Variants in SUSD6 observed in about 807,000 individuals in gnomAD.
The protein encoded by SUSD6 is sushi domain-containing protein 6.
Under a neutral mutation model 28.4 loss-of-function variants are expected in SUSD6, and 16 were observed. The ratio of observed to expected loss-of-function variants is 0.56; its 90% CI spans 0.38 to 0.86. The LOEUF (loss-of-function observed/expected upper bound fraction) is 0.86. SUSD6 is among the 40% of genes least tolerant of loss of function. The pLI is 0.00. For synonymous variants in SUSD6, 147 were observed against 159.6 expected (o/e 0.92, Z 0.59); for missense variants, 341 against 384.2 (o/e 0.89, Z 0.94).
intron 1 of SUSD6, among the ~76,000 whole-genome samples, chr14:69,640,170 C>A (rs1331395251): frequency 1.3e-5 from 2 of 151,506 alleles, no homozygotes; most frequent in Non-Finnish European, 2.9e-5. Context: ...AGGCTGGACT[C>A]TGAAGAATGG....
intron 2 of SUSD6, among the ~76,000 whole-genome samples, chr14:69,671,912 A>G (rs148660948): frequency 2.6e-4 from 40 of 152,296 alleles, no homozygotes; most frequent in African/African-American, 8.7e-4. Flanking sequence ...AAAATCTGTC[A>G]CCAGTAACGC....
At chr14:69,646,666 C>G in intron 1 of SUSD6, among the ~76,000 whole-genome samples, 1 of 147,450 alleles carries the variant, frequency 6.8e-6, no homozygotes, top group East Asian at 2.0e-4. Flanking sequence ...TATGCAGTTA[C>G]TTAGGCCAAA....
chr14:69,685,157 C>T (rs1265542327), intron 2 of SUSD6, among the ~76,000 whole-genome samples: 3 of 152,210 alleles, frequency 2.0e-5, no homozygotes, highest in East Asian at 1.9e-4. Context: ...AGTTCAGAAT[C>T]GGTTGCCTTG....
intron 2 of SUSD6, among the ~76,000 whole-genome samples, chr14:69,668,971 T>C (rs1210668702): frequency 1.3e-5 from 2 of 151,824 alleles, no homozygotes; most frequent in Non-Finnish European, 2.9e-5. Context: ...CTATGCTTCC[T>C]GTACAGCTTG....
intron 1 of SUSD6, among the ~76,000 whole-genome samples, chr14:69,618,452 G>A (rs1343289277): frequency 6.6e-6 from 1 of 152,216 alleles, no homozygotes; most frequent in African/African-American, 2.4e-5. Flanking sequence ...AGCTAGTCTT[G>A]CTTTCCCTGA....
intron 1 of SUSD6, among the ~76,000 whole-genome samples, chr14:69,647,180 C>T (rs1409103048): frequency 2.6e-5 from 4 of 152,164 alleles, no homozygotes; most frequent in Non-Finnish European, 5.9e-5. Context: ...GCTGAATGCT[C>T]CTGGTTACAC....
chr14:69,698,159 C>T (rs1886254101), intron 2 of SUSD6, among the ~76,000 whole-genome samples: 1 of 152,214 alleles, frequency 6.6e-6, no homozygotes, highest in African/African-American at 2.4e-5. Context: ...GAAACCCTGT[C>T]TCTACTAAAA....
rs1383896291 is a variant in SUSD6 at position 69,638,444 on chromosome 14, G to GTGTC, written c.-80-20066_-80-20065insCTGT. Reference sequence around the variant, plus strand: ...GGGGAGTGTGTGTGTGTGTGTGTGTGTGTGTGTGTGTGTGTAATTGTGTGT... The same window carrying GTGTC: ...GGGGAGTGTGTGTGTGTGTGTGTGTGTGTCTGTGTGTGTGTGTGTAATTGTGTGT... On this transcript the variant is annotated intron_variant, in intron 1 of 5. Coordinates refer to ENST00000342745, the MANE Select transcript of SUSD6 (RefSeq NM_014734.4). Among the ~76,000 whole-genome samples, 62 of 151,568 alleles carry GTGTC rather than the reference G, an allele frequency of 4.1e-4. 1 individual carries two copies. The highest frequency in any genetic ancestry group is 3.7e-3 in the Admixed American group (56 of 15,206).
chr14:69,713,894 G>A lies in SUSD6; in HGVS notation c.*2915G>A, dbSNP rs1886507916. ...TGACTCAGTGCAGGTTTAATATCCT[G>A]GTGACTTGCAGTCACATTCTAATGA... On this transcript the variant is annotated 3_prime_UTR_variant, in exon 6 of 6. Coordinates refer to ENST00000342745, the MANE Select transcript of SUSD6 (RefSeq NM_014734.4). 1 of 133,172 alleles carries A rather than the reference G, an allele frequency of 7.5e-6. No homozygotes were observed. The highest frequency in any genetic ancestry group is 2.9e-5 in the African/African-American group (1 of 34,586). 8.2% of individuals were successfully genotyped at this position (133,172 alleles called of 1,614,324 possible). A position where few individuals can be genotyped will look rare whatever the true frequency, so the allele number is the denominator to read the frequency against.
intron 2 of SUSD6, among the ~76,000 whole-genome samples, chr14:69,674,044 G>A (rs1009572373): frequency 1.7e-4 from 26 of 152,102 alleles, no homozygotes; most frequent in Non-Finnish European, 3.1e-4. Flanking sequence ...AGACTGGCTC[G>A]CCAAAAGTGA....
intron 1 of SUSD6, among the ~76,000 whole-genome samples, chr14:69,631,626 TTAATAA>T (rs993400093): frequency 2.0e-5 from 3 of 152,134 alleles, no homozygotes; most frequent in Non-Finnish European, 4.4e-5. Flanking sequence ...CAAATGCCAG[TTAATAA>T]TAATAATTCT....
chr14:69,687,102 G>A (rs1444984615), intron 2 of SUSD6, among the ~76,000 whole-genome samples: 1 of 152,086 alleles, frequency 6.6e-6, no homozygotes, highest in Non-Finnish European at 1.5e-5. Context: ...AGCCTCCCGA[G>A]TAGCTGGGAT....
At chr14:69,708,204 C>G (rs1394952512) in intron 4 of SUSD6, among the ~76,000 whole-genome samples, 1 of 152,178 alleles carries the variant, frequency 6.6e-6, no homozygotes, top group Non-Finnish European at 1.5e-5. Flanking sequence ...ATACAGTGTA[C>G]CTATTTAATG....
At chr14:69,653,288 C>A (rs1885529964) in intron 1 of SUSD6, among the ~76,000 whole-genome samples, 1 of 152,196 alleles carries the variant, frequency 6.6e-6, no homozygotes, top group African/African-American at 2.4e-5. Context: ...GTTGGGGCAG[C>A]AGCACTAGTT....
chr14:69,670,684 G>A (rs145883481), intron 2 of SUSD6, among the ~76,000 whole-genome samples: 5 of 152,366 alleles, frequency 3.3e-5, no homozygotes, highest in East Asian at 3.9e-4. Context: ...GGATGATAAC[G>A]TACATACCAT....
chr14:69,676,704 C>G (rs938776779), intron 2 of SUSD6, among the ~76,000 whole-genome samples: 2 of 152,206 alleles, frequency 1.3e-5, no homozygotes, highest in Non-Finnish European at 2.9e-5. Flanking sequence ...CTTTACTGTG[C>G]TTTTTAAAAT....
At chr14:69,669,454 G>GTA (rs1885797507) in intron 2 of SUSD6, among the ~76,000 whole-genome samples, 1 of 152,206 alleles carries the variant, frequency 6.6e-6, no homozygotes, top group Admixed American at 6.5e-5. Flanking sequence ...AAGGAGGAAT[G>GTA]TATATGGAAA....
At chr14:69,668,233 G>A (rs1885774120) in intron 2 of SUSD6, among the ~76,000 whole-genome samples, 1 of 152,214 alleles carries the variant, frequency 6.6e-6, no homozygotes. Context: ...AGAGGGCCCA[G>A]GCAACCTGCC....
chr14:69,678,157 G>T (rs1885941979), intron 2 of SUSD6, among the ~76,000 whole-genome samples: 1 of 151,656 alleles, frequency 6.6e-6, no homozygotes, highest in Non-Finnish European at 1.5e-5. Flanking sequence ...GGATGGAACA[G>T]ATCCAGGGAC....
Sources: allele counts gnomAD v4.1 joint callset (sites outside exome capture counted in the v4.1 genomes callset), GRCh38; gene constraint gnomAD v4.1.1; transcripts MANE v1.5; gene names NCBI Gene and HGNC (gene_info 2026-07-23, HGNC 2026-07-21).